Variants in TENM1 observed in about 807,000 individuals in gnomAD.
TENM1 encodes teneurin-1.
In TENM1, 35 loss-of-function variants were observed where a neutral mutation model predicts 174.8. That is an observed-to-expected ratio of 0.20 (90% CI 0.15 to 0.27). The LOEUF is 0.27. TENM1 is among the 10% of genes least tolerant of loss of function. TENM1 has a pLI of 1.00. For missense variants in TENM1, 1,633 were observed against 2,130.1 expected (o/e 0.77, Z 4.59); for synonymous variants, 781 against 798.7 (o/e 0.98, Z 0.37).
chrX:124,782,705 C>A (rs1018028713), intron 3 of TENM1, among the ~76,000 whole-genome samples: 29 of 110,482 alleles, frequency 2.6e-4, no homozygotes, highest in African/African-American at 9.5e-4. Context: ...TTAAAAAAAT[C>A]TATGTCATAG....
At chrX:125,018,405 A>C in the TENM1 span, among the ~76,000 whole-genome samples, 872 of 111,597 alleles carry the variant, frequency 7.8e-3, 14 homozygotes, top group African/African-American at 0.027. Context: ...TACTATGTTG[A>C]ATTAAAAAAT....
intron 26 of TENM1, among the ~76,000 whole-genome samples, chrX:124,405,566 C>T (rs1426402967): frequency 9.0e-6 from 1 of 111,282 alleles, no homozygotes; most frequent in Non-Finnish European, 1.9e-5. Context: ...CCCTCACTGA[C>T]TTGTTGGATC....
chrX:124,813,624 A>C (rs1348465405), intron 3 of TENM1, among the ~76,000 whole-genome samples: 1 of 111,629 alleles, frequency 9.0e-6, no homozygotes, highest in Non-Finnish European at 1.9e-5. Flanking sequence ...TAAGTGACAA[A>C]ATGCAAGATG....
At chrX:124,512,008 T>C (rs1272487796) in intron 18 of TENM1, among the ~76,000 whole-genome samples, 3 of 111,873 alleles carry the variant, frequency 2.7e-5, no homozygotes, top group Non-Finnish European at 5.6e-5. Flanking sequence ...TGAAGAAAAA[T>C]AGAATTGTTT....
intron 1 of TENM1, among the ~76,000 whole-genome samples, chrX:124,957,468 C>T (rs773627293): frequency 6.5e-5 from 7 of 108,211 alleles, no homozygotes; most frequent in Non-Finnish European, 1.1e-4. Flanking sequence ...CCTGTAATCT[C>T]AGCTACTCAG....
intron 27 of TENM1, 101 bp from the exon 31 acceptor site, chrX:124,392,449 T>A: frequency 1.4e-6 from 1 of 700,632 alleles, no homozygotes; most frequent in Non-Finnish European, 2.1e-6. Context: ...AACGATAGAG[T>A]CTGTCTTGCC....
chrX:124,868,929 A>G (rs1241287854), intron 3 of TENM1, among the ~76,000 whole-genome samples: 1 of 110,574 alleles, frequency 9.0e-6, no homozygotes, highest in Non-Finnish European at 1.9e-5. Flanking sequence ...CTATAGTAAG[A>G]TGTGATCTCA....
chrX:124,784,491 G>C (rs1275484963), intron 3 of TENM1, among the ~76,000 whole-genome samples: 3 of 111,491 alleles, frequency 2.7e-5, no homozygotes, highest in Non-Finnish European at 5.7e-5. Flanking sequence ...CCAATTTTTA[G>C]ATATTTGCTT....
At chrX:124,590,727 GTAT>G (rs910471678) in intron 11 of TENM1, among the ~76,000 whole-genome samples, 5 of 112,086 alleles carry the variant, frequency 4.5e-5, no homozygotes, top group African/African-American at 9.7e-5. Flanking sequence ...GATGGGTAGA[GTAT>G]TCTGTAGATG....
chrX:124,881,971 C>T (rs960033715), intron 3 of TENM1, among the ~76,000 whole-genome samples: 1 of 111,897 alleles, frequency 8.9e-6, no homozygotes, highest in Non-Finnish European at 1.9e-5. Flanking sequence ...TCAGGTGACC[C>T]GCCCACTTCG....
At chrX:124,432,490 C>A (rs938487301) in intron 23 of TENM1, among the ~76,000 whole-genome samples, 10 of 112,093 alleles carry the variant, frequency 8.9e-5, no homozygotes, top group Middle Eastern at 4.6e-3. Flanking sequence ...CTCACTGCAA[C>A]CTCTGCCTCC....
At chrX:124,951,744 T>C (rs2058492215) in intron 1 of TENM1, among the ~76,000 whole-genome samples, 4 of 103,212 alleles carry the variant, frequency 3.9e-5, no homozygotes, top group Admixed American at 1.1e-4. Flanking sequence ...CAAAAGAAAG[T>C]GCTGTTATAC....
At position 124,860,000 on chromosome X, in the gene TENM1, C is replaced by A. The variant is rs779488413; in HGVS notation, c.535+34296G>T. On this transcript the variant is annotated intron_variant, in intron 3 of 31. Transcript: ENST00000422452. The stretch of plus-strand genomic sequence containing the variant: ...ATTTTTCCTTCAGTAAACACAAATT[C>A]CCCCTTTCCTATAAATGAAGTAAGC... 5.4e-5 allele frequency among the ~76,000 whole-genome samples: 6 copies of A among 111,910 alleles called. 1 individual carries two copies. The highest frequency in any genetic ancestry group is 4.7e-4 in the Admixed American group (5 of 10,557).
At position 124,518,770 on chromosome X, in the gene TENM1, A is replaced by G. The variant is rs368779373; in HGVS notation, c.3301+1747T>C. ...AGCGTCACACAGCTCGTAAGTAGAG[A>G]AGGAATTATTTGAACCCGGGGAAGG... On this transcript the variant is annotated intron_variant, in intron 18 of 31. Transcript: ENST00000422452. Among the ~76,000 whole-genome samples the G allele has an allele frequency of 1.1e-3, 126 of 111,559 alleles. 1 individual carries two copies. The South Asian group carries it at 0.045, about 40-fold the overall frequency.
intron 11 of TENM1, among the ~76,000 whole-genome samples, chrX:124,580,187 A>G (rs768407789): frequency 9.0e-6 from 1 of 111,549 alleles, no homozygotes; most frequent in South Asian, 3.8e-4. Flanking sequence ...TAGTGGCTAC[A>G]ATGTAAGGAA....
At chrX:124,809,033 A>G (rs1395782778) in intron 3 of TENM1, among the ~76,000 whole-genome samples, 1 of 111,709 alleles carries the variant, frequency 9.0e-6, no homozygotes, top group African/African-American at 3.2e-5. Context: ...GATGAATGAA[A>G]CAGAGGTTTT....
At chrX:124,541,192 C>G (rs1380608905) in intron 15 of TENM1, among the ~76,000 whole-genome samples, 1 of 111,622 alleles carries the variant, frequency 9.0e-6, no homozygotes, top group East Asian at 2.8e-4. Flanking sequence ...TCTAGGCAAC[C>G]AAAATGAGTT....
At chrX:124,575,116 A>G (rs895005132) in intron 11 of TENM1, among the ~76,000 whole-genome samples, 5 of 112,062 alleles carry the variant, frequency 4.5e-5, no homozygotes, top group South Asian at 3.7e-4. Context: ...TTAGAAGAAC[A>G]TATTAGTTGA....
rs375178060 is a variant in TENM1, at chrX:124,866,711, A to G, written c.535+27585T>C. On this transcript the variant is annotated intron_variant, in intron 3 of 31. Transcript: ENST00000422452. ...TGAAACTGAAATGAAAAACAATACAAAAGATTAATGAAACAAAAGTTTTTT... is the reference window on the plus strand; with the variant it reads ...TGAAACTGAAATGAAAAACAATACAGAAGATTAATGAAACAAAAGTTTTTT... Among the ~76,000 whole-genome samples, 64 of 111,811 alleles carry G rather than the reference A, an allele frequency of 5.7e-4. No homozygotes were observed. In the South Asian group the frequency reaches 0.022, roughly 39 times the overall value.
Sources: gnomAD v4.1 joint callset for allele counts (sites outside exome capture counted in the v4.1 genomes callset) on GRCh38, gnomAD v4.1.1 for gene constraint, MANE v1.5 for transcripts, NCBI Gene and HGNC (gene_info 2026-07-23, HGNC 2026-07-21) for gene names.